The following TMEM232 variants were observed in gnomAD, a reference collection of about 807,000 sequenced individuals.
TMEM232 encodes transmembrane protein 232.
A neutral mutation model predicts 78.8 loss-of-function variants in TMEM232; 80 were observed. The observed-to-expected ratio is 1.01, with a 90% CI of 0.85 to 1.22. The LOEUF (loss-of-function observed/expected upper bound fraction) is 1.22. TMEM232 is among the 50% of genes most tolerant of loss of function. The pLI, the probability that TMEM232 is intolerant of heterozygous loss-of-function variation, is 0.00. For synonymous variants in TMEM232, 297 were observed against 254.3 expected, an observed-to-expected ratio of 1.17 and a Z score of -1.60; for missense variants, 881 against 742.2, an observed-to-expected ratio of 1.19 and a Z score of -2.17.
chr5:110,652,294 G>GTGCACACACACACACA (rs140887082), intron 2 of TMEM232, among the ~76,000 whole-genome samples: 5 of 145,360 alleles, frequency 3.4e-5, no homozygotes, highest in African/African-American at 1.3e-4. Flanking sequence ...GCACGCGCGC[G>GTGCACACACACACACA]CACACACACA....
At chr5:110,521,527 A>G (rs1358687391) in intron 12 of TMEM232, among the ~76,000 whole-genome samples, 6 of 152,178 alleles carry the variant, frequency 3.9e-5, no homozygotes, top group African/African-American at 1.2e-4. Flanking sequence ...AAAACATTGT[A>G]AAGATCAACG....
At chr5:110,717,554 G>A (rs751733603) in intron 1 of TMEM232, among the ~76,000 whole-genome samples, 1 of 152,026 alleles carries the variant, frequency 6.6e-6, no homozygotes, top group Admixed American at 6.6e-5. Context: ...AGCAACCTAA[G>A]GTACGATTTA....
At chr5:110,391,439 T>C (rs1194975309) in intron 3 of TMEM232, among the ~76,000 whole-genome samples, 1 of 152,024 alleles carries the variant, frequency 6.6e-6, no homozygotes, top group Non-Finnish European at 1.5e-5. Context: ...TGTCAAGAAC[T>C]GAGGATAAAA....
chr5:110,673,072 G>C (rs1791572276), intron 1 of TMEM232, among the ~76,000 whole-genome samples: 1 of 152,118 alleles, frequency 6.6e-6, no homozygotes, highest in Non-Finnish European at 1.5e-5. Flanking sequence ...AACAATGATA[G>C]ACTGGATTAA....
chr5:110,683,613 T>A (rs1304505709), intron 1 of TMEM232, among the ~76,000 whole-genome samples: 2 of 151,966 alleles, frequency 1.3e-5, no homozygotes, highest in Non-Finnish European at 2.9e-5. Context: ...CTTTCCAGAA[T>A]ATCTTCCTAA....
intron 1 of TMEM232, among the ~76,000 whole-genome samples, chr5:110,687,620 C>G (rs928810922): frequency 1.5e-4 from 23 of 152,160 alleles, no homozygotes; most frequent in African/African-American, 4.8e-4. Context: ...ATATTTATAT[C>G]TATTGTTTTG....
intron 12 of TMEM232, among the ~76,000 whole-genome samples, chr5:110,425,466 G>T (rs1010990104): frequency 6.6e-6 from 1 of 152,038 alleles, no homozygotes; most frequent in African/African-American, 2.4e-5. Flanking sequence ...GGTTTTGAGG[G>T]TGGGAAAGTG....
chr5:110,594,280 A>G (rs984997644), intron 10 of TMEM232, among the ~76,000 whole-genome samples: 1 of 152,114 alleles, frequency 6.6e-6, no homozygotes, highest in South Asian at 2.1e-4. Flanking sequence ...CAGCCCAGAT[A>G]CTACATTTTT....
At chr5:110,638,070 A>T in intron 5 of TMEM232, 128 bp downstream of exon 5, 1 of 720,772 alleles carries the variant, frequency 1.4e-6, no homozygotes, top group Non-Finnish European at 2.1e-6. Context: ...AGAGAAGATT[A>T]AACTACCAAA....
At chr5:110,489,039 G>A (rs570951278) in intron 12 of TMEM232, among the ~76,000 whole-genome samples, 3 of 151,820 alleles carry the variant, frequency 2.0e-5, no homozygotes, top group African/African-American at 7.2e-5. Context: ...CTTATAACAA[G>A]TAAAGACACC....
chr5:110,469,678 G>GAAAC (rs113469941), intron 12 of TMEM232, among the ~76,000 whole-genome samples: 2 of 152,142 alleles, frequency 1.3e-5, no homozygotes, highest in African/African-American at 4.8e-5. Context: ...GTATCCAGGG[G>GAAAC]AAACAGTGCC....
chr5:110,619,915 A>G (rs1328554026), intron 7 of TMEM232, among the ~76,000 whole-genome samples: 1 of 152,170 alleles, frequency 6.6e-6, no homozygotes, highest in East Asian at 1.9e-4. Context: ...TTAAAGCATA[A>G]TATTAAAAAA....
At chr5:110,433,614 AG>A (rs1758091326) in intron 12 of TMEM232, among the ~76,000 whole-genome samples, 1 of 151,968 alleles carries the variant, frequency 6.6e-6, no homozygotes. Flanking sequence ...TTTTCTGTTT[AG>A]GATTTATGTT....
chr5:110,461,272 C>T (rs1479863204), intron 12 of TMEM232, among the ~76,000 whole-genome samples: 1 of 150,936 alleles, frequency 6.6e-6, no homozygotes, highest in East Asian at 1.9e-4. Flanking sequence ...AAAAGTAAAA[C>T]AATTTAATTG....
At chr5:110,454,266 A>G (rs911269295) in intron 12 of TMEM232, among the ~76,000 whole-genome samples, 11 of 152,194 alleles carry the variant, frequency 7.2e-5, no homozygotes, top group Non-Finnish European at 1.3e-4. Context: ...AAATCAAATC[A>G]TAACAAATTT....
intron 12 of TMEM232, among the ~76,000 whole-genome samples, chr5:110,447,912 G>T (rs953122692): frequency 1.2e-4 from 18 of 151,958 alleles, no homozygotes; most frequent in African/African-American, 4.3e-4. Context: ...TGAATAAAAA[G>T]ATGTTATTAA....
intron 12 of TMEM232, among the ~76,000 whole-genome samples, chr5:110,480,933 A>G (rs1763792791): frequency 6.6e-6 from 1 of 152,078 alleles, no homozygotes; most frequent in Middle Eastern, 3.2e-3. Context: ...ATTGACTTGT[A>G]TTCATTTTAT....
chr5:110,544,441 CAAAAA>C (rs575755362), intron 11 of TMEM232, among the ~76,000 whole-genome samples: 8 of 75,750 alleles, frequency 1.1e-4, no homozygotes, highest in Admixed American at 1.5e-4. Context: ...ACACACATAT[CAAAAA>C]AAAAAAAAAA....
chr5:110,648,219 A>G (rs886240297), intron 2 of TMEM232, among the ~76,000 whole-genome samples: 1 of 151,842 alleles, frequency 6.6e-6, no homozygotes, highest in African/African-American at 2.4e-5. Flanking sequence ...CACATTCACC[A>G]GAAGGGTTAA....
Sources: gnomAD v4.1 joint callset for allele counts (sites outside exome capture counted in the v4.1 genomes callset) on GRCh38, gnomAD v4.1.1 for gene constraint, MANE v1.5 for transcripts, NCBI Gene and HGNC (gene_info 2026-07-23, HGNC 2026-07-21) for gene names.